Variants in PCDHGA6 observed in about 807,000 individuals in gnomAD.
The protein encoded by PCDHGA6 is protocadherin gamma-A6.
A neutral mutation model predicts 60.6 loss-of-function variants in PCDHGA6; 41 were observed. The observed-to-expected ratio is 0.68, with a 90% confidence interval of 0.53 to 0.88. The LOEUF is 0.88. Ranked by LOEUF, PCDHGA6 falls within the 40% of genes least tolerant of loss-of-function variation. The pLI is 0.00. For missense variants in PCDHGA6, 1,312 were observed against 1,203.0 expected (o/e 1.09, Z -1.34); for synonymous variants, 594 against 524.4 (o/e 1.13, Z -1.81).
chr5:141,476,952 T>A lies in PCDHGA6; in HGVS notation c.2425-17855T>A, dbSNP rs1463851594. On this transcript the variant is annotated intron_variant, in intron 1 of 3. Transcript: ENST00000517434. This position sits in a 1 kb window ranked among gnomAD's most constrained non-coding sequence, Gnocchi z 7.6. ...CTGGATGAAGGCCCCAACGGTGAAA[T>A]TATTTACTCCTTCGGCAGCCACAAC... 1 of 1,614,052 alleles carries A rather than the reference T, an allele frequency of 6.2e-7. No individual in the cohort carries two copies. Among genetic ancestry groups the A allele is most frequent in the Non-Finnish European group, 8.5e-7 (1 of 1,180,038 alleles).
At chr5:141,392,879 G>A in intron 1 of PCDHGA6, 2 of 1,613,512 alleles carry the variant, frequency 1.2e-6, no homozygotes, top group South Asian at 1.1e-5. Flanking sequence ...TGCTGGGAAC[G>A]CTGTGGGAAA....
intron 1 of PCDHGA6, among the ~76,000 whole-genome samples, chr5:141,464,921 G>A (rs1562002597): frequency 6.6e-6 from 1 of 151,106 alleles, no homozygotes; most frequent in Non-Finnish European, 1.5e-5. Flanking sequence ...TTATTTTTTT[G>A]TAGAGATGTG....
chr5:141,397,919 C>G (rs1158998805), intron 1 of PCDHGA6: 2 of 723,460 alleles, frequency 2.8e-6, no homozygotes, highest in East Asian at 5.5e-5. Flanking sequence ...TCCAGATCTC[C>G]TCGCGCAGCC....
At chr5:141,388,324 A>T in intron 1 of PCDHGA6, 1 of 1,613,978 alleles carries the variant, frequency 6.2e-7, no homozygotes, top group East Asian at 2.2e-5. Flanking sequence ...GAGTCTGCAC[A>T]GCCTGGCACA....
chr5:141,391,331 G>A (rs75432065), intron 1 of PCDHGA6: 5 of 95,914 alleles, frequency 5.2e-5, no homozygotes, highest in Non-Finnish European at 6.3e-5. Context: ...TTTTTTTTTT[G>A]AGACAGAGTC....
chr5:141,374,846 C>G lies in PCDHGA6; in HGVS notation c.763C>G (p.Leu255Val). The change falls in exon 1 of 4, where the codon CTG (leucine) becomes GTG (valine). Residue 255 changes from leucine (L) to valine (V), a missense_variant. Leu to Val is a conservative substitution (Grantham distance 32, BLOSUM62 1). Transcript: ENST00000517434. ...CTACCGTGTAAGTGTTCCTGAAAAC[C>G]TGCCAGTAGGCACACCAGTGTTGGC... Reference protein sequence around the residue: ...PVYRVSVPENLPVGTPVLAVT... With the variant: ...PVYRVSVPENVPVGTPVLAVT... 6.2e-7 allele frequency: 1 copy of G among 1,613,842 alleles called. No homozygotes were observed. Among genetic ancestry groups the G allele is most frequent in the Non-Finnish European group, 8.5e-7 (1 of 1,179,902 alleles).
chr5:141,389,429 G>T, intron 1 of PCDHGA6: 1 of 1,610,654 alleles, frequency 6.2e-7, no homozygotes, highest in East Asian at 2.2e-5. Flanking sequence ...TGTTCGCGCA[G>T]CGCGCCTTCG....
intron 2 of PCDHGA6, among the ~76,000 whole-genome samples, chr5:141,495,685 T>TA (rs758775501): frequency 1.3e-5 from 2 of 152,210 alleles, no homozygotes; most frequent in African/African-American, 2.4e-5. Context: ...TGCCATGGCA[T>TA]AAGTGCTCAA....
intron 1 of PCDHGA6, chr5:141,414,540 C>A (rs1158346953): frequency 1.2e-5 from 19 of 1,613,948 alleles, no homozygotes; most frequent in Non-Finnish European, 1.5e-5. Context: ...ACCCACCTAC[C>A]TTCTCTCAAG....
At chr5:141,434,667 G>A (rs1464226862) in intron 1 of PCDHGA6, among the ~76,000 whole-genome samples, 5 of 151,956 alleles carry the variant, frequency 3.3e-5, no homozygotes, top group African/African-American at 1.2e-4. Context: ...CTATAGAAAT[G>A]ATGCTAATGA....
rs1269660369 is a variant in PCDHGA6 at position 141,408,454 on chromosome 5, A to T, written c.2424+31947A>T. On this transcript the variant is annotated intron_variant, in intron 1 of 3. Transcript: ENST00000517434. ...GCGTAGACGCGGAGAGCGGGGACTT[A>T]CTTGTGAAGAACCGAATAGACCGTG... The T allele has an allele frequency of 4.3e-6, 7 of 1,613,934 alleles. No homozygotes were observed. The African/African-American group carries it at 9.3e-5, about 22-fold the overall frequency.
Position 141,494,815 on chromosome 5 carries a change from G to C in PCDHGA6, c.2433G>C (p.Pro811=). 6.2e-7 allele frequency: 1 copy of C among 1,613,976 alleles called. No individual in the cohort carries two copies. The highest frequency in any genetic ancestry group is 8.5e-7 in the Non-Finnish European group (1 of 1,179,982). Residue 811 remains proline, a synonymous_variant, in exon 2 of 4, where the codon CCG becomes CCC. Transcript: ENST00000517434. Reference sequence around the variant, plus strand: ...CTCTGTTTTCTCCACAGCAAGCCCCGCCCAACACGGACTGGCGTTTCTCTC... The same window carrying C: ...CTCTGTTTTCTCCACAGCAAGCCCCCCCCAACACGGACTGGCGTTTCTCTC... ...KGEPRQLQQA[P]PNTDWRFSQA...
chr5:141,389,780 C>T (rs746524585), intron 1 of PCDHGA6: 1 of 1,613,310 alleles, frequency 6.2e-7, no homozygotes, highest in South Asian at 1.1e-5. Flanking sequence ...CCTTAGGCGA[C>T]AGGGACGCCG....
rs144490159 is a variant in PCDHGA6, at chr5:141,418,260, G to A, written c.2424+41753G>A. The A allele has an allele frequency of 5.0e-3, 7,995 of 1,614,000 alleles. 44 individuals carry two copies. Among genetic ancestry groups the A allele is most frequent in the Admixed American group, 9.4e-3 (566 of 60,026 alleles). ...GTTAATGACCACGCCCCTCAATTCCGGAAAGATGAAATAAACTTAGAAATC... is the reference window on the plus strand; with the variant it reads ...GTTAATGACCACGCCCCTCAATTCCAGAAAGATGAAATAAACTTAGAAATC... On this transcript the variant is annotated intron_variant, in intron 1 of 3. Coordinates refer to ENST00000517434, the MANE Select transcript of PCDHGA6 (RefSeq NM_018919.3).
chr5:141,430,108 G>A (rs572634913), intron 1 of PCDHGA6, among the ~76,000 whole-genome samples: 1 of 152,190 alleles, frequency 6.6e-6, no homozygotes, highest in South Asian at 2.1e-4. Context: ...AGCGTTACAT[G>A]TCAACAACCT....
rs1026815375 is a variant in PCDHGA6, at chr5:141,481,045, G to A, written c.2425-13762G>A. 4.6e-5 allele frequency among the ~76,000 whole-genome samples: 7 copies of A among 152,024 alleles called. No individual in the cohort carries two copies. In the South Asian group the frequency reaches 8.3e-4, roughly 18 times the overall value. ...TGCACTCCAGCCTGGGCGACAGAGCGAGACTCCACCTCAAAAACAAAAAGA... is the reference window on the plus strand; with the variant it reads ...TGCACTCCAGCCTGGGCGACAGAGCAAGACTCCACCTCAAAAACAAAAAGA... On this transcript the variant is annotated intron_variant, in intron 1 of 3. Coordinates refer to ENST00000517434, the MANE Select transcript of PCDHGA6 (RefSeq NM_018919.3).
chr5:141,490,313 C>G lies in PCDHGA6; in HGVS notation c.2425-4494C>G. The G allele has an allele frequency of 6.2e-7, 1 of 1,614,222 alleles. No individual in the cohort carries two copies. The highest frequency in any genetic ancestry group is 8.5e-7 in the Non-Finnish European group (1 of 1,180,024). Reference sequence around the variant, plus strand: ...GTGCTATTGGCCTCTTTGGCCAACCCTGTCCTAGAGAGCACACCAGTGGGC... The same window carrying G: ...GTGCTATTGGCCTCTTTGGCCAACCGTGTCCTAGAGAGCACACCAGTGGGC... On this transcript the variant is annotated intron_variant, in intron 1 of 3. Transcript: ENST00000517434. The surrounding 1 kb of genome is among the most constrained non-coding windows in gnomAD (Gnocchi z 5.4).
chr5:141,390,346 A>C, intron 1 of PCDHGA6: 1 of 1,576,446 alleles, frequency 6.3e-7, no homozygotes, highest in African/African-American at 1.4e-5. Context: ...TCACAAGAAA[A>C]TATACATATT....
At chr5:141,492,606 C>G (rs1019615566) in intron 1 of PCDHGA6, among the ~76,000 whole-genome samples, 3 of 152,232 alleles carry the variant, frequency 2.0e-5, no homozygotes, top group African/African-American at 7.2e-5. Flanking sequence ...GACTGCCGCT[C>G]TAAGTGCCGG....
Sources: allele counts gnomAD v4.1 joint callset (sites outside exome capture counted in the v4.1 genomes callset), GRCh38; gene constraint gnomAD v4.1.1; non-coding constraint Gnocchi (gnomAD v3.1); transcripts MANE v1.5; gene names NCBI Gene and HGNC (gene_info 2026-07-23, HGNC 2026-07-21).